The following HS6ST3 variants were observed in gnomAD, a reference collection of about 807,000 sequenced individuals.
HS6ST3 encodes heparan sulfate 6-O-sulfotransferase 3.
Under a neutral mutation model 36.7 loss-of-function variants are expected in HS6ST3, and 12 were observed. The observed-to-expected ratio is 0.33, with a 90% confidence interval of 0.21 to 0.53. The LOEUF is 0.53. HS6ST3 is among the 20% of genes least tolerant of loss of function. HS6ST3 has a pLI of 0.95. For missense variants in HS6ST3, 584 were observed against 640.9 expected (o/e 0.91, Z 0.96); for synonymous variants, 240 against 257.5 (o/e 0.93, Z 0.65).
intron 1 of HS6ST3, among the ~76,000 whole-genome samples, chr13:96,203,162 C>T (rs879726235): frequency 7.9e-5 from 12 of 152,144 alleles, no homozygotes; most frequent in South Asian, 2.1e-4. Context: ...ACTCCGTTTG[C>T]GCTGCTATAG....
chr13:96,565,102 A>G (rs1452287236), intron 1 of HS6ST3, among the ~76,000 whole-genome samples: 1 of 151,962 alleles, frequency 6.6e-6, no homozygotes, highest in Non-Finnish European at 1.5e-5. Flanking sequence ...GGCCACACAC[A>G]TTTATCTCTC....
At chr13:96,248,957 C>G (rs1176471073) in intron 1 of HS6ST3, among the ~76,000 whole-genome samples, 1 of 152,012 alleles carries the variant, frequency 6.6e-6, no homozygotes, top group Non-Finnish European at 1.5e-5. Flanking sequence ...TTTCTGTCAC[C>G]CAGTAGGTTT....
chr13:96,367,392 C>T (rs575802021), intron 1 of HS6ST3, among the ~76,000 whole-genome samples: 26 of 152,236 alleles, frequency 1.7e-4, no homozygotes, highest in African/African-American at 5.3e-4. Context: ...TATTTTTGCA[C>T]GGCTTCTTTC....
At chr13:96,216,940 T>C (rs2054428885) in intron 1 of HS6ST3, among the ~76,000 whole-genome samples, 2 of 152,194 alleles carry the variant, frequency 1.3e-5, no homozygotes, top group African/African-American at 4.8e-5. Context: ...TGCCTCGTTT[T>C]CCCTGCTCCT....
intron 1 of HS6ST3, among the ~76,000 whole-genome samples, chr13:96,368,842 A>C (rs562340541): frequency 7.2e-5 from 11 of 152,284 alleles, no homozygotes; most frequent in African/African-American, 2.2e-4. Context: ...GACTACGGGA[A>C]CTGCTGACAC....
At chr13:96,778,624 C>T (rs1341924160) in intron 1 of HS6ST3, among the ~76,000 whole-genome samples, 2 of 152,116 alleles carry the variant, frequency 1.3e-5, no homozygotes, top group African/African-American at 2.4e-5. Flanking sequence ...AATGGCATAC[C>T]ATCTCACACC....
In HS6ST3 at chr13:96,477,779, A is replaced by T. The variant is rs1566372264; in HGVS notation, c.708-354711A>T. Among the ~76,000 whole-genome samples, 3 of 152,276 alleles carry T rather than the reference A, an allele frequency of 2.0e-5. No homozygotes were observed. In the East Asian group the frequency reaches 5.8e-4, roughly 29 times the overall value. On this transcript the variant is annotated intron_variant, in intron 1 of 1. Coordinates refer to ENST00000376705, the MANE Select transcript of HS6ST3 (RefSeq NM_153456.4). ...CAGCTGCTCAGAAGGCTAAGGCAGG[A>T]GAATCTCTTAAAGCCGGGAGGCAAA...
At chr13:96,748,529 C>T (rs1461246258) in intron 1 of HS6ST3, among the ~76,000 whole-genome samples, 1 of 152,138 alleles carries the variant, frequency 6.6e-6, no homozygotes, top group Non-Finnish European at 1.5e-5. Context: ...TTCAGTTGTA[C>T]AGTATTTAGC....
chr13:96,395,514 A>C (rs1366683167), intron 1 of HS6ST3, among the ~76,000 whole-genome samples: 3 of 151,906 alleles, frequency 2.0e-5, no homozygotes, highest in Non-Finnish European at 4.4e-5. Flanking sequence ...TTTTCCTCCC[A>C]GTATGTGAAA....
chr13:96,435,726 A>T (rs991821571), intron 1 of HS6ST3, among the ~76,000 whole-genome samples: 3 of 151,936 alleles, frequency 2.0e-5, no homozygotes, highest in Non-Finnish European at 4.4e-5. Context: ...CTGTTAACAA[A>T]CTCTAGTGTG....
At position 96,569,528 on chromosome 13, in the gene HS6ST3, T is replaced by C. The variant is rs77362519; in HGVS notation, c.708-262962T>C. 2.0e-3 allele frequency among the ~76,000 whole-genome samples: 301 copies of C among 152,282 alleles called. 1 individual carries two copies. The highest frequency in any genetic ancestry group is 3.7e-3 in the Non-Finnish European group (255 of 68,012). ...AAATACTTTCCCATGAGGTTAAACTTTCTATTACTAGAGGCTGGAAGGATA... is the reference window on the plus strand; with the variant it reads ...AAATACTTTCCCATGAGGTTAAACTCTCTATTACTAGAGGCTGGAAGGATA... On this transcript the variant is annotated intron_variant, in intron 1 of 1. Transcript: ENST00000376705.
rs186660405 is a variant in HS6ST3 at position 96,531,390 on chromosome 13, A to G, written c.708-301100A>G. Among the ~76,000 whole-genome samples, 986 of 151,932 alleles carry G rather than the reference A, an allele frequency of 6.5e-3. 17 individuals carry two copies. The highest frequency in any genetic ancestry group is 0.022 in the African/African-American group (917 of 41,222). ...ATTGTTTTCACACATACTGTGGAAGATTTTATTTATTTCCAAGTAGTTACT... is the reference window on the plus strand; with the variant it reads ...ATTGTTTTCACACATACTGTGGAAGGTTTTATTTATTTCCAAGTAGTTACT... On this transcript the variant is annotated intron_variant, in intron 1 of 1. Transcript: ENST00000376705.
chr13:96,356,455 A>G (rs1225694834), intron 1 of HS6ST3, among the ~76,000 whole-genome samples: 4 of 152,190 alleles, frequency 2.6e-5, no homozygotes, highest in Non-Finnish European at 5.9e-5. Context: ...GGGCTGCAGA[A>G]TGGATGTTGT....
At chr13:96,323,284 A>C (rs1316349441) in intron 1 of HS6ST3, among the ~76,000 whole-genome samples, 1 of 152,218 alleles carries the variant, frequency 6.6e-6, no homozygotes, top group Non-Finnish European at 1.5e-5. Flanking sequence ...TCCCTATCTT[A>C]GTAAATAGAA....
chr13:96,342,105 T>C (rs2055133697), intron 1 of HS6ST3, among the ~76,000 whole-genome samples: 1 of 152,156 alleles, frequency 6.6e-6, no homozygotes. Context: ...GTTCATTATT[T>C]TCATCACAAC....
At chr13:96,301,948 C>A (rs995397978) in intron 1 of HS6ST3, among the ~76,000 whole-genome samples, 3 of 142,438 alleles carry the variant, frequency 2.1e-5, no homozygotes, top group African/African-American at 5.1e-5. Context: ...ATAATAATTT[C>A]TAAAAGTAAG....
intron 1 of HS6ST3, among the ~76,000 whole-genome samples, chr13:96,429,593 T>C (rs1163619440): frequency 2.0e-5 from 3 of 152,218 alleles, no homozygotes. Flanking sequence ...GTCTAAAGAG[T>C]ACAGTGTTCT....
chr13:96,172,618 A>G (rs950333395), intron 1 of HS6ST3, among the ~76,000 whole-genome samples: 1 of 152,172 alleles, frequency 6.6e-6, no homozygotes, highest in African/African-American at 2.4e-5. Flanking sequence ...TACAATTGCT[A>G]TTATAAGTAT....
chr13:96,303,583 A>G (rs1159574852), intron 1 of HS6ST3, among the ~76,000 whole-genome samples: 2 of 152,210 alleles, frequency 1.3e-5, no homozygotes, highest in East Asian at 3.8e-4. Flanking sequence ...CAAAGAAACA[A>G]AATGGAGAGA....
Sources: gnomAD v4.1 joint callset for allele counts (sites outside exome capture counted in the v4.1 genomes callset) on GRCh38, gnomAD v4.1.1 for gene constraint, MANE v1.5 for transcripts, NCBI Gene and HGNC (gene_info 2026-07-23, HGNC 2026-07-21) for gene names.